Variants in CNTNAP2 observed in about 807,000 individuals in gnomAD.
CNTNAP2 encodes the protein contactin associated protein 2, also known as contactin-associated protein-like 2.
CNTNAP2 carries 98 observed loss-of-function variants against 155.2 expected under a neutral mutation model. The ratio of observed to expected loss-of-function variants is 0.63; its 90% CI spans 0.54 to 0.75. CNTNAP2 has a LOEUF of 0.75. Ranked by LOEUF, CNTNAP2 falls within the 30% of genes least tolerant of loss-of-function variation. The pLI is 0.00. For missense variants in CNTNAP2, 1,727 were observed against 1,688.1 expected (o/e 1.02, Z -0.40); for synonymous variants, 651 against 631.2 (o/e 1.03, Z -0.47).
At chr7:147,372,868 T>TC (rs1796370149) in intron 9 of CNTNAP2, among the ~76,000 whole-genome samples, 1 of 151,996 alleles carries the variant, frequency 6.6e-6, no homozygotes, top group African/African-American at 2.4e-5. Flanking sequence ...CTACTTAACA[T>TC]CCTGGCAAAG....
chr7:146,503,073 A>G (rs1797330337), intron 1 of CNTNAP2, among the ~76,000 whole-genome samples: 1 of 151,938 alleles, frequency 6.6e-6, no homozygotes, highest in East Asian at 1.9e-4. Flanking sequence ...TGAGTTCCTT[A>G]TTTATTCTGG....
chr7:148,084,700 T>C (rs1033244081), intron 15 of CNTNAP2, among the ~76,000 whole-genome samples: 5 of 152,182 alleles, frequency 3.3e-5, no homozygotes, highest in African/African-American at 1.2e-4. Flanking sequence ...GACAGGTCAT[T>C]TACATGCTAA....
intron 13 of CNTNAP2, among the ~76,000 whole-genome samples, chr7:147,849,383 A>G (rs1798881441): frequency 6.6e-6 from 1 of 152,180 alleles, no homozygotes; most frequent in Non-Finnish European, 1.5e-5. Context: ...AGGAGTGTAG[A>G]CTTTTAGAAC....
chr7:147,475,797 T>C (rs1272081845), intron 10 of CNTNAP2, among the ~76,000 whole-genome samples: 2 of 152,230 alleles, frequency 1.3e-5, no homozygotes, highest in Non-Finnish European at 2.9e-5. Context: ...GAATTTATTT[T>C]GGCAAAGGAA....
intron 15 of CNTNAP2, among the ~76,000 whole-genome samples, chr7:148,010,790 A>C (rs1351159835): frequency 6.6e-6 from 1 of 151,998 alleles, no homozygotes; most frequent in Non-Finnish European, 1.5e-5. Flanking sequence ...TACTGTCAAC[A>C]TCCATCAAGT....
intron 10 of CNTNAP2, among the ~76,000 whole-genome samples, chr7:147,437,116 G>A (rs760870065): frequency 2.0e-5 from 3 of 151,898 alleles, no homozygotes; most frequent in Non-Finnish European, 4.4e-5. Context: ...TTTTAATCAC[G>A]GAACTAGTAT....
At chr7:147,104,873 CATATATATATATATATATATATAT>C (rs56674675) in intron 4 of CNTNAP2, among the ~76,000 whole-genome samples, 16,991 of 101,582 alleles carry the variant, frequency 0.17, 2,030 homozygotes, top group East Asian at 0.51. Flanking sequence ...CTTCCTCCCT[CATATATATATATATATATATATAT>C]ATATATATAT....
intron 10 of CNTNAP2, among the ~76,000 whole-genome samples, chr7:147,432,293 G>T (rs1022323657): frequency 7.2e-5 from 11 of 152,200 alleles, no homozygotes; most frequent in Admixed American, 2.0e-4. Flanking sequence ...CAAGCAAATT[G>T]TGTCCAGACA....
intron 13 of CNTNAP2, among the ~76,000 whole-genome samples, chr7:147,739,185 C>T (rs2888516): frequency 0.68 from 101,119 of 148,994 alleles, 36,359 homozygotes; most frequent in East Asian, 0.97. Context: ...TATTTATCAA[C>T]TCATTTCATG....
intron 1 of CNTNAP2, among the ~76,000 whole-genome samples, chr7:146,195,503 G>C (rs1038167165): frequency 2.6e-5 from 4 of 152,116 alleles, no homozygotes; most frequent in African/African-American, 9.7e-5. Context: ...TGCTCCCTCT[G>C]CTTCCAATTG....
At chr7:147,766,838 A>T (rs1797390550) in intron 13 of CNTNAP2, among the ~76,000 whole-genome samples, 1 of 152,080 alleles carries the variant, frequency 6.6e-6, no homozygotes, top group African/African-American at 2.4e-5. Context: ...TGTTCTAGGT[A>T]ATCAACTAAT....
At chr7:147,020,727 G>T (rs1474889315) in intron 3 of CNTNAP2, among the ~76,000 whole-genome samples, 1 of 152,004 alleles carries the variant, frequency 6.6e-6, no homozygotes, top group Non-Finnish European at 1.5e-5. Flanking sequence ...AAATAATATT[G>T]CCTTTAAAAA....
At chr7:148,125,780 C>T (rs182492770) in intron 16 of CNTNAP2, among the ~76,000 whole-genome samples, 1 of 151,500 alleles carries the variant, frequency 6.6e-6, no homozygotes, top group East Asian at 1.9e-4. Context: ...TGGCTCACTG[C>T]AACCTCTGCC....
chr7:148,099,561 G>A (rs1055868638), intron 15 of CNTNAP2, among the ~76,000 whole-genome samples: 1 of 151,866 alleles, frequency 6.6e-6, no homozygotes, highest in Admixed American at 6.6e-5. Flanking sequence ...GTATAAATGA[G>A]AAGGTCCCCT....
chr7:146,946,078 C>CTTCA (rs1160831424), intron 3 of CNTNAP2, among the ~76,000 whole-genome samples: 1 of 150,346 alleles, frequency 6.7e-6, no homozygotes, highest in African/African-American at 2.4e-5. Flanking sequence ...CCTTCCCTTC[C>CTTCA]TTCCTTCCTT....
At chr7:148,345,949 T>A (rs1375523694) in intron 21 of CNTNAP2, among the ~76,000 whole-genome samples, 3 of 152,194 alleles carry the variant, frequency 2.0e-5, no homozygotes, top group South Asian at 2.1e-4. Context: ...GGAATCTCTG[T>A]TGTTTTTGCC....
chr7:147,027,018 C>CAAAAAAAAAAAAAA (rs1297907328), intron 3 of CNTNAP2, among the ~76,000 whole-genome samples: 1 of 101,462 alleles, frequency 9.9e-6, no homozygotes, highest in African/African-American at 4.8e-5. Context: ...AAAAAAAAAA[C>CAAAAAAAAAAAAAA]AAAAAAAAGA....
At chr7:147,341,503 G>A in intron 9 of CNTNAP2, among the ~76,000 whole-genome samples, 1 of 151,998 alleles carries the variant, frequency 6.6e-6, no homozygotes, top group South Asian at 2.1e-4. Context: ...GATTAAAAAT[G>A]GAATTGTCTG....
chr7:146,903,300 A>G (rs1328990182), intron 3 of CNTNAP2, among the ~76,000 whole-genome samples: 1 of 152,122 alleles, frequency 6.6e-6, no homozygotes, highest in African/African-American at 2.4e-5. Context: ...ACAGCTGTAA[A>G]CACCATTACT....
Sources: gnomAD v4.1 joint callset for allele counts (sites outside exome capture counted in the v4.1 genomes callset) on GRCh38, gnomAD v4.1.1 for gene constraint, MANE v1.5 for transcripts, NCBI Gene and HGNC (gene_info 2026-07-23, HGNC 2026-07-21) for gene names.